Variants in CFAP44 observed in about 807,000 individuals in gnomAD.
CFAP44 encodes cilia and flagella associated protein 44.
In CFAP44, 134 loss-of-function variants were observed where a neutral mutation model predicts 216.2. That is an observed-to-expected ratio of 0.62 (90% CI 0.54 to 0.72). CFAP44 has a LOEUF of 0.72. Ranked by LOEUF, CFAP44 falls within the 30% of genes least tolerant of loss-of-function variation. CFAP44 has a pLI of 0.00. For missense variants in CFAP44, 2,035 were observed against 2,182.1 expected (o/e 0.93, Z 1.34); for synonymous variants, 700 against 727.6 (o/e 0.96, Z 0.61).
In CFAP44 at chr3:113,383,627, G is replaced by A. The variant is rs116246678; in HGVS notation, c.1891-2567C>T. Among the ~76,000 whole-genome samples, 696 of 152,254 alleles carry A rather than the reference G, an allele frequency of 4.6e-3. 2 individuals carry two copies. Among genetic ancestry groups the A allele is most frequent in the Non-Finnish European group, 7.8e-3 (529 of 68,008 alleles). On this transcript the variant is annotated intron_variant, in intron 15 of 34. Coordinates refer to ENST00000393845, the MANE Select transcript of CFAP44 (RefSeq NM_001164496.2). ...AGAGTGAACTATTAAGTTAGGAAAAGCAAATGGTAAATGAAATACAGGTCT... is the reference window on the plus strand; with the variant it reads ...AGAGTGAACTATTAAGTTAGGAAAAACAAATGGTAAATGAAATACAGGTCT...
chr3:113,404,070 T>C, intron 8 of CFAP44, 54 bp from the exon 9 acceptor site: 1 of 1,461,110 alleles, frequency 6.8e-7, no homozygotes, highest in Non-Finnish European at 9.1e-7. Context: ...AGTGTACATA[T>C]TTATGCCTCA....
At chr3:113,302,745 C>G (rs1202447175) in intron 32 of CFAP44, among the ~76,000 whole-genome samples, 1 of 140,844 alleles carries the variant, frequency 7.1e-6, no homozygotes, top group Non-Finnish European at 1.5e-5. Flanking sequence ...GAGACTCCAG[C>G]CTGGGCGATA....
At chr3:113,419,026 C>G (rs1184597653) in intron 5 of CFAP44, among the ~76,000 whole-genome samples, 1 of 152,150 alleles carries the variant, frequency 6.6e-6, no homozygotes, top group Admixed American at 6.5e-5. Context: ...CTTGACCACA[C>G]TACACCTCTG....
At chr3:113,397,852 T>C (rs1934030100) in intron 13 of CFAP44, among the ~76,000 whole-genome samples, 1 of 152,120 alleles carries the variant, frequency 6.6e-6, no homozygotes, top group Non-Finnish European at 1.5e-5. Flanking sequence ...ATTGGGGATG[T>C]GCAGAAGATC....
intron 5 of CFAP44, 35 bp from the exon 6 acceptor site, chr3:113,416,662 G>T (rs192070799): frequency 6.2e-6 from 9 of 1,458,218 alleles, no homozygotes; most frequent in Non-Finnish European, 7.6e-6. Context: ...AATATTAAAA[G>T]AAAGATTTTT....
In CFAP44 at chr3:113,287,022, A is replaced by G. The variant is rs1469748515; in HGVS notation, c.*4535T>C. 1 of 847,138 alleles carries G rather than the reference A, an allele frequency of 1.2e-6. No individual in the cohort carries two copies. The highest frequency in any genetic ancestry group is 2.1e-5 in the Admixed American group (1 of 47,974). 52.5% of individuals were successfully genotyped at this position (847,138 alleles called of 1,614,324 possible). On this transcript the variant is annotated 3_prime_UTR_variant, in exon 35 of 35. Coordinates refer to ENST00000393845, the MANE Select transcript of CFAP44 (RefSeq NM_001164496.2). ...ATGTATATGTTTTATAATTCTGGAG[A>G]GACATAAGGAGTCCTACCCGTTGAG... is the stretch of plus-strand genomic sequence containing the variant.
In CFAP44 at chr3:113,306,217, T is replaced by A. The variant is rs2107793684; in HGVS notation, c.4742A>T (p.Asp1581Val). The change falls in exon 30 of 35, where the codon GAT becomes GTT. Residue 1581 changes from aspartate to valine, a missense_variant. This residue lies in a region of CFAP44 where 1,883 missense variants were observed against 2,023.7 expected (regional missense o/e 0.93). Transcript: ENST00000393845. ...KIVDNLKKEY[D>V]TLSKKVKIVA... ...TCACCATACTTTTTTTGACAATGTA[T>A]CATATTCCTTTTTGAGGTTATCAAC... 6.5e-7 allele frequency: 1 copy of A among 1,536,760 alleles called. No homozygotes were observed. The highest frequency in any genetic ancestry group is 8.7e-7 in the Non-Finnish European group (1 of 1,146,634).
In CFAP44 at chr3:113,304,082, AT is replaced by A; in HGVS notation, c.4910del (p.Asp1637ValfsTer13). On this transcript the variant is annotated frameshift_variant, in exon 32 of 35. Coordinates refer to ENST00000393845, the MANE Select transcript of CFAP44 (RefSeq NM_001164496.2). LOFTEE classifies it high-confidence loss of function. Reference protein sequence around the residue: ...EYVVFGEIPSDLSGTLVFSNH... With the variant: ...EYVVFGEIPSXLSGTLVFSNH... ...TAGAGAAGACCAAAGTACCAGAAAG[AT>A]CGCTAGGTATTTCTCCAAATACCAC... 1 of 1,537,284 alleles carries A rather than the reference AT, an allele frequency of 6.5e-7. No individual in the cohort carries two copies. The highest frequency in any genetic ancestry group is 8.7e-7 in the Non-Finnish European group (1 of 1,146,924).
intron 5 of CFAP44, among the ~76,000 whole-genome samples, chr3:113,418,112 C>A (rs1934700327): frequency 6.7e-6 from 1 of 148,360 alleles, no homozygotes; most frequent in African/African-American, 2.5e-5. Context: ...TTTATTGAGA[C>A]TCTGTCACTC....
intron 28 of CFAP44, among the ~76,000 whole-genome samples, chr3:113,324,310 C>A (rs1207347903): frequency 6.6e-6 from 1 of 151,560 alleles, no homozygotes; most frequent in Non-Finnish European, 1.5e-5. Flanking sequence ...AAGACAGTAC[C>A]AAAAATGAAA....
intron 23 of CFAP44, among the ~76,000 whole-genome samples, chr3:113,343,210 T>C (rs1184485264): frequency 6.6e-6 from 1 of 151,960 alleles, no homozygotes; most frequent in South Asian, 2.1e-4. Context: ...TACAGGAATG[T>C]GCCACCGTGC....
In CFAP44 at chr3:113,291,516, T is replaced by A. The variant is rs750719115; in HGVS notation, c.*41A>T. The A allele has an allele frequency of 3.8e-5, 58 of 1,522,482 alleles. No homozygotes were observed. Among genetic ancestry groups the A allele is most frequent in the Non-Finnish European group, 5.0e-5 (57 of 1,136,196 alleles). 94.3% of individuals were successfully genotyped at this position (1,522,482 alleles called of 1,614,324 possible). The stretch of plus-strand genomic sequence containing the variant: ...ATGAGGAGACAGAACTTCCAGTGAG[T>A]TATGTCAGAAATCTTGTATGGGTTT... On this transcript the variant is annotated 3_prime_UTR_variant, in exon 35 of 35. Coordinates refer to ENST00000393845, the MANE Select transcript of CFAP44 (RefSeq NM_001164496.2).
intron 2 of CFAP44, chr3:113,432,174 G>A (rs553152839): frequency 8.1e-4 from 124 of 152,258 alleles, no homozygotes; most frequent in African/African-American, 2.8e-3. Context: ...TCTCACAGGA[G>A]AACTCTAGAC....
chr3:113,362,827 G>C, intron 21 of CFAP44: 1 of 1,069,712 alleles, frequency 9.3e-7, no homozygotes, highest in South Asian at 3.8e-5. Context: ...CAGTGTATCT[G>C]TTATTCATGT....
chr3:113,319,661 T>G (rs1950123912), intron 28 of CFAP44, among the ~76,000 whole-genome samples: 1 of 151,924 alleles, frequency 6.6e-6, no homozygotes, highest in African/African-American at 2.4e-5. Context: ...CAGAATATAG[T>G]CTAAGATTGA....
intron 24 of CFAP44, among the ~76,000 whole-genome samples, chr3:113,339,811 C>T (rs1186388842): frequency 6.6e-6 from 1 of 152,096 alleles, no homozygotes; most frequent in East Asian, 1.9e-4. Flanking sequence ...TGTTAACTTT[C>T]ATATCAGAAA....
chr3:113,375,458 G>A (rs939753354), intron 17 of CFAP44, among the ~76,000 whole-genome samples: 5 of 152,060 alleles, frequency 3.3e-5, no homozygotes, highest in Non-Finnish European at 7.4e-5. Context: ...CAAAAAGGAT[G>A]GAAAATCTTC....
At chr3:113,415,303 C>CA (rs1158091116) in intron 6 of CFAP44, among the ~76,000 whole-genome samples, 10 of 151,548 alleles carry the variant, frequency 6.6e-5, no homozygotes, top group African/African-American at 1.5e-4. Context: ...TTAATTTTTT[C>CA]AAAAAAACAG....
intron 18 of CFAP44, among the ~76,000 whole-genome samples, chr3:113,367,939 G>A (rs954599573): frequency 1.5e-4 from 23 of 152,140 alleles, no homozygotes; most frequent in African/African-American, 4.6e-4. Flanking sequence ...ACTTCGTGAC[G>A]CATGCACAAG....
Sources: allele counts gnomAD v4.1 joint callset (sites outside exome capture counted in the v4.1 genomes callset), GRCh38; gene constraint gnomAD v4.1.1; regional missense constraint gnomAD v4.1.1; transcripts MANE v1.5; gene names NCBI Gene and HGNC (gene_info 2026-07-23, HGNC 2026-07-21).